The following PRKN variants were observed in gnomAD, a reference collection of about 807,000 sequenced individuals.
The protein encoded by PRKN is E3 ubiquitin-protein ligase parkin.
PRKN carries 56 observed loss-of-function variants against 59.5 expected under a neutral mutation model. The observed-to-expected ratio is 0.94, with a 90% CI of 0.76 to 1.18. The LOEUF is 1.18. PRKN is among the 50% of genes most tolerant of loss of function. The pLI, the probability that PRKN is intolerant of heterozygous loss-of-function variation, is 0.00. For missense variants in PRKN, 657 were observed against 596.4 expected, an observed-to-expected ratio of 1.10 and a Z score of -1.06; for synonymous variants, 250 against 222.1, an observed-to-expected ratio of 1.13 and a Z score of -1.12.
At chr6:162,331,189 G>A (rs925912710) in intron 2 of PRKN, among the ~76,000 whole-genome samples, 1 of 150,732 alleles carries the variant, frequency 6.6e-6, no homozygotes, top group Non-Finnish European at 1.5e-5. Flanking sequence ...AAAATGCCAG[G>A]AGAATTCTAT....
At position 161,515,980 on chromosome 6, in the gene PRKN, A is replaced by C. The variant is rs148937444; in HGVS notation, c.1083+32874T>G. 2.9e-3 allele frequency among the ~76,000 whole-genome samples: 445 copies of C among 152,336 alleles called. 1 individual carries two copies. The highest frequency in any genetic ancestry group is 0.01 in the African/African-American group (427 of 41,578). The stretch of plus-strand genomic sequence containing the variant: ...AGACTGCAAAGTTCAACATTATGTG[A>C]TTTATCTCAGTGACCTGTAAGTAGT... On this transcript the variant is annotated intron_variant, in intron 9 of 11. Coordinates refer to ENST00000366898, the MANE Select transcript of PRKN (RefSeq NM_004562.3).
At chr6:162,619,688 T>A (rs1235978374) in intron 1 of PRKN, among the ~76,000 whole-genome samples, 2 of 131,246 alleles carry the variant, frequency 1.5e-5, no homozygotes, top group East Asian at 2.4e-4. Flanking sequence ...AGTGTTGGTA[T>A]CTATCCTTTC....
At chr6:162,633,432 C>CAAAAAAAAAAAAAAA (rs531688324) in intron 1 of PRKN, among the ~76,000 whole-genome samples, 3 of 61,828 alleles carry the variant, frequency 4.9e-5, no homozygotes, top group Admixed American at 2.1e-4. Context: ...AAGACTGTCT[C>CAAAAAAAAAAAAAAA]AAAAAAAAAA....
intron 1 of PRKN, among the ~76,000 whole-genome samples, chr6:162,644,285 C>T (rs893895587): frequency 3.3e-5 from 5 of 152,200 alleles, no homozygotes; most frequent in African/African-American, 1.2e-4. Context: ...GTGCACCCCC[C>T]ATGGAAGGCT....
intron 6 of PRKN, among the ~76,000 whole-genome samples, chr6:161,876,351 G>T (rs1168531262): frequency 6.6e-6 from 1 of 152,126 alleles, no homozygotes; most frequent in Non-Finnish European, 1.5e-5. Flanking sequence ...TTGCTATGTT[G>T]TCCAGACGGA....
chr6:162,561,881 G>C (rs1356122510), intron 1 of PRKN, among the ~76,000 whole-genome samples: 2 of 152,148 alleles, frequency 1.3e-5, no homozygotes, highest in East Asian at 3.9e-4. Context: ...ACAACTATTA[G>C]GAAAGTCCTA....
chr6:161,482,871 A>G (rs1733147744), intron 9 of PRKN, among the ~76,000 whole-genome samples: 1 of 152,230 alleles, frequency 6.6e-6, no homozygotes, highest in African/African-American at 2.4e-5. Context: ...ATAGACTTAC[A>G]ATATGACTTT....
intron 1 of PRKN, among the ~76,000 whole-genome samples, chr6:162,598,233 G>C (rs1031210063): frequency 2.0e-5 from 3 of 151,952 alleles, no homozygotes; most frequent in Admixed American, 2.0e-4. Flanking sequence ...CAAATATATG[G>C]GCCCCTTCAG....
chr6:161,874,998 A>ATT (rs1794657989), intron 6 of PRKN, among the ~76,000 whole-genome samples: 3 of 92,340 alleles, frequency 3.2e-5, no homozygotes, highest in Admixed American at 1.5e-4. Context: ...CTTTATATAT[A>ATT]ATATATTATA....
At chr6:162,249,228 C>T (rs1779326976) in intron 3 of PRKN, among the ~76,000 whole-genome samples, 1 of 152,126 alleles carries the variant, frequency 6.6e-6, no homozygotes, top group Non-Finnish European at 1.5e-5. Flanking sequence ...TAGCATCCTT[C>T]GAAAGGCAGA....
intron 2 of PRKN, among the ~76,000 whole-genome samples, chr6:162,278,355 A>T (rs1412930159): frequency 6.6e-6 from 1 of 152,154 alleles, no homozygotes; most frequent in Admixed American, 6.5e-5. Context: ...GGGTGATACT[A>T]TGTTGATGGA....
At chr6:162,518,225 AT>A (rs1777946801) in intron 1 of PRKN, among the ~76,000 whole-genome samples, 1 of 152,366 alleles carries the variant, frequency 6.6e-6, no homozygotes, top group Admixed American at 6.5e-5. Context: ...ATAATAGAAA[AT>A]TAAAATGTAA....
Position 161,576,052 on chromosome 6 carries a change from T to C in PRKN, c.872-6636A>G, listed in dbSNP as rs1781118749. On this transcript the variant is annotated intron_variant, in intron 7 of 11. Transcript: ENST00000366898. The surrounding 1 kb of genome is among the most constrained non-coding windows in gnomAD (Gnocchi z 4.6). Reference sequence around the variant, plus strand: ...TGCTACTCCAGCTAAGCCAGGTTGATTAGGGTTGCCATACACTGTGCTGAA... The same window carrying C: ...TGCTACTCCAGCTAAGCCAGGTTGACTAGGGTTGCCATACACTGTGCTGAA... 6.6e-6 allele frequency among the ~76,000 whole-genome samples: 1 copy of C among 152,126 alleles called. No individual in the cohort carries two copies.
chr6:161,516,615 A>G (rs943451265), intron 9 of PRKN, among the ~76,000 whole-genome samples: 2 of 151,360 alleles, frequency 1.3e-5, no homozygotes, highest in Non-Finnish European at 3.0e-5. Context: ...ATCACCTGAG[A>G]TTAGGAGTTC....
intron 1 of PRKN, among the ~76,000 whole-genome samples, chr6:162,461,699 T>C (rs1487693215): frequency 5.3e-5 from 8 of 150,832 alleles, no homozygotes. Flanking sequence ...TGCGTTCCTG[T>C]AACCCCAGCT....
At chr6:161,942,369 A>G (rs373703114) in intron 6 of PRKN, among the ~76,000 whole-genome samples, 3 of 152,210 alleles carry the variant, frequency 2.0e-5, no homozygotes, top group East Asian at 1.9e-4. Context: ...TGTCTTTACT[A>G]AAAATACAAA....
chr6:162,153,473 A>G (rs1445651711), intron 4 of PRKN, among the ~76,000 whole-genome samples: 1 of 152,192 alleles, frequency 6.6e-6, no homozygotes, highest in Non-Finnish European at 1.5e-5. Context: ...GTGTGTTATC[A>G]GTTCAGCGGG....
chr6:162,502,627 T>C (rs1303606874), intron 1 of PRKN, among the ~76,000 whole-genome samples: 1 of 152,158 alleles, frequency 6.6e-6, no homozygotes, highest in African/African-American at 2.4e-5. Flanking sequence ...TCATTAATAT[T>C]TTCATTTAAA....
At chr6:161,709,713 G>A (rs977353513) in intron 7 of PRKN, among the ~76,000 whole-genome samples, 4 of 152,046 alleles carry the variant, frequency 2.6e-5, no homozygotes, top group African/African-American at 9.7e-5. Flanking sequence ...TATTTGATTT[G>A]CTGTCTCCAT....
Sources: allele counts gnomAD v4.1 joint callset (sites outside exome capture counted in the v4.1 genomes callset), GRCh38; gene constraint gnomAD v4.1.1; non-coding constraint Gnocchi (gnomAD v3.1); transcripts MANE v1.5; gene names NCBI Gene and HGNC (gene_info 2026-07-23, HGNC 2026-07-21).